The following DTNB variants were observed in gnomAD, a reference collection of about 807,000 sequenced individuals.
The protein encoded by DTNB is dystrobrevin beta.
A neutral mutation model predicts 90.7 loss-of-function variants in DTNB; 63 were observed. The ratio of observed to expected loss-of-function variants is 0.69; its 90% CI spans 0.57 to 0.86. DTNB has a LOEUF of 0.86. Ranked by LOEUF, DTNB falls within the 40% of genes least tolerant of loss-of-function variation. The pLI is 0.00. For missense variants in DTNB, 744 were observed against 807.1 expected (o/e 0.92, Z 0.95); for synonymous variants, 277 against 286.7 (o/e 0.97, Z 0.34).
intron 6 of DTNB, among the ~76,000 whole-genome samples, chr2:25,593,849 C>T (rs2064040054): frequency 6.6e-6 from 1 of 152,160 alleles, no homozygotes; most frequent in African/African-American, 2.4e-5. Context: ...TCTCAGTGTT[C>T]ATCACTGAGA....
chr2:25,595,388 A>C (rs1318488221), intron 6 of DTNB, among the ~76,000 whole-genome samples: 1 of 152,210 alleles, frequency 6.6e-6, no homozygotes, highest in Non-Finnish European at 1.5e-5. Context: ...TAGTTTTAGC[A>C]AAACGTTTTT....
At chr2:25,523,641 CAAAAA>C (rs763301694) in intron 9 of DTNB, among the ~76,000 whole-genome samples, 2 of 92,286 alleles carry the variant, frequency 2.2e-5, no homozygotes, top group African/African-American at 3.7e-5. Flanking sequence ...ACTCTGTCTC[CAAAAA>C]AAAAAAAAAA....
At chr2:25,379,585 C>T in intron 19 of DTNB, 2 of 389,314 alleles carry the variant, frequency 5.1e-6, no homozygotes, top group Non-Finnish European at 4.5e-6. Context: ...ATCAAAACTC[C>T]TTAAATCCAG....
intron 9 of DTNB, among the ~76,000 whole-genome samples, chr2:25,490,360 G>A (rs1018566670): frequency 2.6e-5 from 4 of 151,978 alleles, no homozygotes; most frequent in Admixed American, 6.6e-5. Flanking sequence ...GAGTGGAGAC[G>A]GTTTTCTGAC....
chr2:25,596,277 G>A (rs959368595), intron 5 of DTNB, 37 bp from the exon 6 acceptor site: 2 of 1,548,564 alleles, frequency 1.3e-6, no homozygotes, highest in Non-Finnish European at 1.7e-6. Context: ...AAGCTATAAG[G>A]AAATATCAGC....
Position 25,570,021 on chromosome 2 carries a change from T to G in DTNB, c.876+6817A>C, listed in dbSNP as rs529015024. Among the ~76,000 whole-genome samples the G allele has an allele frequency of 2.0e-5, 3 of 146,704 alleles. No homozygotes were observed. The South Asian group carries it at 6.4e-4, about 31-fold the overall frequency. The stretch of plus-strand genomic sequence containing the variant: ...CTGAGGCAGGAGAATCACTTGAACC[T>G]GGGAAGGGGAGGTTGCAGTGAGCCG... On this transcript the variant is annotated intron_variant, in intron 8 of 20. Transcript: ENST00000406818.
rs2076849754 is a variant in DTNB, at chr2:25,635,078, A to AT, written c.148+3935_148+3936insA. Among the ~76,000 whole-genome samples, 89 of 147,566 alleles carry AT rather than the reference A, an allele frequency of 6.0e-4. 1 individual carries two copies. In the South Asian group the frequency reaches 0.011, roughly 18 times the overall value. On this transcript the variant is annotated intron_variant, in intron 3 of 20. Coordinates refer to ENST00000406818, the MANE Select transcript of DTNB (RefSeq NM_021907.5). ...TAAAAAAAAATAAAAAAATAAAAAAAGAAAAAAAAAAAAAGAAATTTTAAA... is the reference window on the plus strand; with the variant it reads ...TAAAAAAAAATAAAAAAATAAAAAAATGAAAAAAAAAAAAAGAAATTTTAAA...
intron 9 of DTNB, among the ~76,000 whole-genome samples, chr2:25,492,241 G>A (rs1191994206): frequency 6.6e-6 from 1 of 152,128 alleles, no homozygotes; most frequent in Non-Finnish European, 1.5e-5. Flanking sequence ...CTCTCTGAAC[G>A]TAAACCATCT....
chr2:25,534,840 T>C (rs682888), intron 8 of DTNB, among the ~76,000 whole-genome samples: 41,423 of 110,490 alleles, frequency 0.37, 7,076 homozygotes, highest in East Asian at 0.57. Context: ...AGAGGTGCCC[T>C]CCACTTCCCA....
chr2:25,427,364 C>T (rs1023858960), intron 15 of DTNB, 171 bp downstream of exon 15: 4 of 521,350 alleles, frequency 7.7e-6, no homozygotes, highest in African/African-American at 5.9e-5. Context: ...TCTGGCTTTG[C>T]ACTAATTTAG....
intron 8 of DTNB, among the ~76,000 whole-genome samples, chr2:25,571,634 C>T (rs1283777263): frequency 1.3e-5 from 2 of 152,186 alleles, no homozygotes; most frequent in African/African-American, 4.8e-5. Context: ...AACCTCCAAT[C>T]TCCCCAGCCC....
chr2:25,577,520 A>G (rs1412514254), intron 7 of DTNB, among the ~76,000 whole-genome samples: 1 of 150,752 alleles, frequency 6.6e-6, no homozygotes, highest in Non-Finnish European at 1.5e-5. Flanking sequence ...TAGAAAAAAA[A>G]AAAAGATTTA....
chr2:25,444,070 T>C (rs1380471880), intron 12 of DTNB, among the ~76,000 whole-genome samples: 5 of 152,196 alleles, frequency 3.3e-5, no homozygotes, highest in African/African-American at 1.2e-4. Flanking sequence ...TCTTTCACCT[T>C]TCTTCCAAGT....
intron 9 of DTNB, among the ~76,000 whole-genome samples, chr2:25,522,501 G>A (rs957555819): frequency 1.3e-5 from 2 of 151,994 alleles, no homozygotes; most frequent in Non-Finnish European, 2.9e-5. Context: ...ATAGGAATTC[G>A]GCGGAGAACA....
chr2:25,565,766 C>T (rs2058938830), intron 8 of DTNB, among the ~76,000 whole-genome samples: 1 of 152,076 alleles, frequency 6.6e-6, no homozygotes. Context: ...GGGTAATTCT[C>T]ACTTGCTCAT....
intron 3 of DTNB, among the ~76,000 whole-genome samples, chr2:25,633,678 G>C (rs917764853): frequency 2.7e-5 from 4 of 150,872 alleles, no homozygotes; most frequent in Non-Finnish European, 5.9e-5. Flanking sequence ...TGGAAAATGA[G>C]GAGCGTCTCT....
chr2:25,625,269 G>A (rs2073861362), intron 4 of DTNB, among the ~76,000 whole-genome samples: 1 of 152,142 alleles, frequency 6.6e-6, no homozygotes, highest in African/African-American at 2.4e-5. Context: ...TAATAAAGCG[G>A]CCAATCAATA....
intron 8 of DTNB, among the ~76,000 whole-genome samples, chr2:25,560,494 C>T (rs575762306): frequency 6.6e-6 from 1 of 152,306 alleles, no homozygotes; most frequent in South Asian, 2.1e-4. Context: ...CTCTTGTCTT[C>T]AAACGTCTGC....
intron 9 of DTNB, among the ~76,000 whole-genome samples, chr2:25,528,913 A>C (rs770120052): frequency 6.6e-6 from 1 of 152,228 alleles, no homozygotes; most frequent in Non-Finnish European, 1.5e-5. Context: ...AATAAATGCA[A>C]AGACACATTC....
Sources: gnomAD v4.1 joint callset for allele counts (sites outside exome capture counted in the v4.1 genomes callset) on GRCh38, gnomAD v4.1.1 for gene constraint, MANE v1.5 for transcripts, NCBI Gene and HGNC (gene_info 2026-07-23, HGNC 2026-07-21) for gene names.